GLIS3: variants seen among roughly 807,000 people sequenced by gnomAD.
GLIS3 encodes GLIS family zinc finger 3.
GLIS3 carries 53 observed loss-of-function variants against 78.6 expected under a neutral mutation model. The ratio of observed to expected loss-of-function variants is 0.67; its 90% CI spans 0.54 to 0.85. The LOEUF is 0.85. GLIS3 is among the 40% of genes least tolerant of loss of function. The probability of loss-of-function intolerance (pLI) is 0.00; values close to 1 mark genes in which losing one functional copy is unlikely to be tolerated. For missense variants in GLIS3, 1,703 were observed against 1,231.1 expected (o/e 1.38, Z -5.74); for synonymous variants, 684 against 509.9 (o/e 1.34, Z -4.60).
rs1347664732 is a variant in GLIS3 at position 3,829,512 on chromosome 9, T to C, written c.2474-20A>G. ...AAAATCCTGAAACGCAAGCATGGCA[T>C]TGAGCACAAGTTCCTTTGGGCACAA... On this transcript the variant is annotated intron_variant, in intron 9 of 10. Coordinates refer to ENST00000381971, the MANE Select transcript of GLIS3 (RefSeq NM_001042413.2). The C allele has an allele frequency of 6.2e-7, 1 of 1,613,728 alleles. No homozygotes were observed. The highest frequency in any genetic ancestry group is 2.2e-5 in the East Asian group (1 of 44,866).
chr9:3,856,047 G>T lies in GLIS3; in HGVS notation c.2435C>A (p.Thr812Lys). 2 of 1,614,190 alleles carry T rather than the reference G, an allele frequency of 1.2e-6. No homozygotes were observed. Among genetic ancestry groups the T allele is most frequent in the Non-Finnish European group, 1.7e-6 (2 of 1,180,014 alleles). ...GSHLKSYQPE[T>K]NSSFQPNGIH... Reference sequence around the variant, plus strand: ...ACCATTTGGTTGAAAAGAAGAGTTTGTTTCTGGCTGATAGGACTTCAGGTG... The same window carrying T: ...ACCATTTGGTTGAAAAGAAGAGTTTTTTTCTGGCTGATAGGACTTCAGGTG... The change falls in exon 9 of 11, where the codon ACA becomes AAA. Residue 812 changes from threonine to lysine, a missense_variant. Physicochemically the swap from Thr to Lys is moderately conservative, Grantham distance 78. Coordinates refer to ENST00000381971, the MANE Select transcript of GLIS3 (RefSeq NM_001042413.2).
At chr9:3,840,241 A>T (rs1175194493) in intron 9 of GLIS3, among the ~76,000 whole-genome samples, 1 of 152,210 alleles carries the variant, frequency 6.6e-6, no homozygotes, top group Non-Finnish European at 1.5e-5. Flanking sequence ...AGCAGTTCTT[A>T]AGTAATTTTT....
At chr9:4,434,632 A>T in the GLIS3 span, among the ~76,000 whole-genome samples, 4 of 152,142 alleles carry the variant, frequency 2.6e-5, no homozygotes, top group Admixed American at 1.3e-4. Flanking sequence ...GGAGGTGAAG[A>T]AACCTTCTCT....
the GLIS3 span, among the ~76,000 whole-genome samples, chr9:4,444,552 T>C: frequency 6.6e-6 from 1 of 152,214 alleles, no homozygotes; most frequent in Non-Finnish European, 1.5e-5. Flanking sequence ...CTCGCCCACA[T>C]ATGAAGTAAA....
intron 6 of GLIS3, among the ~76,000 whole-genome samples, chr9:3,905,007 C>G (rs1823565174): frequency 6.6e-6 from 1 of 150,466 alleles, no homozygotes; most frequent in South Asian, 2.1e-4. Context: ...GAGTCTTGCT[C>G]TGTCTCCCAG....
chr9:3,879,377 G>C, intron 8 of GLIS3, 50 bp downstream of exon 8: 1 of 1,563,258 alleles, frequency 6.4e-7, no homozygotes, highest in Non-Finnish European at 8.8e-7. Context: ...TGTCTGTGAA[G>C]GGAGGTTTGG....
intron 4 of GLIS3, among the ~76,000 whole-genome samples, chr9:3,987,375 G>A (rs1007148857): frequency 1.3e-5 from 2 of 152,056 alleles, no homozygotes; most frequent in African/African-American, 4.8e-5. Context: ...AGTTCCAGAA[G>A]AGAAGAAAGA....
At chr9:3,899,535 C>G (rs1392018923) in intron 6 of GLIS3, among the ~76,000 whole-genome samples, 1 of 149,098 alleles carries the variant, frequency 6.7e-6, no homozygotes, top group Non-Finnish European at 1.5e-5. Context: ...AAAAAAAAAA[C>G]AATGTAAGAT....
At chr9:3,883,215 T>C (rs993167404) in intron 7 of GLIS3, among the ~76,000 whole-genome samples, 2 of 152,246 alleles carry the variant, frequency 1.3e-5, no homozygotes, top group Non-Finnish European at 2.9e-5. Context: ...TCTAGGAATT[T>C]CTGACCATAT....
At chr9:4,014,004 A>C (rs920114858) in intron 4 of GLIS3, among the ~76,000 whole-genome samples, 2 of 152,202 alleles carry the variant, frequency 1.3e-5, no homozygotes, top group African/African-American at 4.8e-5. Context: ...CACGTGGCTC[A>C]CCGTGATTCT....
the GLIS3 span, among the ~76,000 whole-genome samples, chr9:4,486,782 T>G: frequency 6.6e-6 from 1 of 152,164 alleles, no homozygotes; most frequent in East Asian, 1.9e-4. Context: ...CTCAAACTCC[T>G]GGGCTCAAGC....
chr9:4,063,039 C>G (rs929809420), intron 4 of GLIS3, among the ~76,000 whole-genome samples: 14 of 151,998 alleles, frequency 9.2e-5, no homozygotes, highest in Non-Finnish European at 1.8e-4. Context: ...TCTCTTGACT[C>G]TTTATCTCAC....
chr9:4,413,169 A>T, the GLIS3 span, among the ~76,000 whole-genome samples: 1 of 152,164 alleles, frequency 6.6e-6, no homozygotes, highest in Non-Finnish European at 1.5e-5. Context: ...CATGGTCTTG[A>T]GTTCTGGATG....
chr9:4,458,300 G>A, the GLIS3 span, among the ~76,000 whole-genome samples: 1 of 152,176 alleles, frequency 6.6e-6, no homozygotes, highest in Non-Finnish European at 1.5e-5. Flanking sequence ...TAGGCACTGG[G>A]GACACAGTAG....
At chr9:4,192,594 T>G (rs1563730512) in intron 2 of GLIS3, among the ~76,000 whole-genome samples, 1 of 152,336 alleles carries the variant, frequency 6.6e-6, no homozygotes, top group Admixed American at 6.5e-5. Context: ...CTCATTTAAC[T>G]ATTCCATTCC....
chr9:3,937,866 C>A (rs527799728), intron 4 of GLIS3, among the ~76,000 whole-genome samples: 1 of 152,074 alleles, frequency 6.6e-6, no homozygotes, highest in Non-Finnish European at 1.5e-5. Flanking sequence ...AAAAAAGTAC[C>A]GTAATACTTT....
the GLIS3 span, among the ~76,000 whole-genome samples, chr9:4,404,654 A>C: frequency 6.6e-6 from 1 of 152,198 alleles, no homozygotes. Flanking sequence ...AGAAAACTGA[A>C]AGATTTCTTG....
intron 8 of GLIS3, 128 bp from the exon 9 acceptor site, chr9:3,856,312 A>C: frequency 1.2e-6 from 1 of 859,624 alleles, no homozygotes; most frequent in South Asian, 1.5e-5. Context: ...CCTTTTAAAA[A>C]AAAATCTTTC....
chr9:4,084,280 C>CAT (rs1490291357), intron 4 of GLIS3, among the ~76,000 whole-genome samples: 6 of 138,330 alleles, frequency 4.3e-5, no homozygotes, highest in Non-Finnish European at 8.2e-5. Flanking sequence ...CACACACACA[C>CAT]ACACACACAC....
Sources: gnomAD v4.1 joint callset for allele counts (sites outside exome capture counted in the v4.1 genomes callset) on GRCh38, gnomAD v4.1.1 for gene constraint, MANE v1.5 for transcripts, NCBI Gene and HGNC (gene_info 2026-07-23, HGNC 2026-07-21) for gene names.